The following ADAP1 variants were observed in gnomAD, a reference collection of about 807,000 sequenced individuals.
ADAP1 encodes ArfGAP with dual PH domains 1.
ADAP1 carries 31 observed loss-of-function variants against 54.9 expected under a neutral mutation model. The observed-to-expected ratio is 0.56, with a 90% CI of 0.42 to 0.76. The LOEUF (loss-of-function observed/expected upper bound fraction) is 0.76. ADAP1 is among the 30% of genes least tolerant of loss of function. ADAP1 has a pLI of 0.00. For synonymous variants in ADAP1, 313 were observed against 202.6 expected (o/e 1.55, Z -4.63); for missense variants, 535 against 512.4 (o/e 1.04, Z -0.42).
intron 1 of ADAP1, among the ~76,000 whole-genome samples, chr7:942,222 T>G (rs1258289182): frequency 6.6e-6 from 1 of 152,106 alleles, no homozygotes; most frequent in East Asian, 1.9e-4. Flanking sequence ...TCCGTAACTT[T>G]GGGTTAGGCA....
At chr7:900,352 G>T (rs1844727717) in intron 7 of ADAP1, among the ~76,000 whole-genome samples, 181 bp downstream of exon 7, 1 of 152,024 alleles carries the variant, frequency 6.6e-6, no homozygotes, top group Non-Finnish European at 1.5e-5. Context: ...TTCCCCTTTG[G>T]CTGAGCTGAA....
Position 938,154 on chromosome 7 carries a change from C to T in ADAP1, c.83-2649G>A, listed in dbSNP as rs74301164. On this transcript the variant is annotated intron_variant, in intron 1 of 10. Coordinates refer to ENST00000265846, the MANE Select transcript of ADAP1 (RefSeq NM_006869.4). This position sits in a 1 kb window ranked among gnomAD's most constrained non-coding sequence, Gnocchi z 4.4. ...CAGGATCAGCCGTTGTTTGGTTTTG[C>T]GGGGTTTTTTTTGTCTTGTATTGTA... Among the ~76,000 whole-genome samples the T allele has an allele frequency of 3.1e-4, 47 of 152,066 alleles. No individual in the cohort carries two copies. The East Asian group carries it at 6.4e-3, about 21-fold the overall frequency.
At position 921,014 on chromosome 7, in the gene ADAP1, C is replaced by A. The variant is rs555133178; in HGVS notation, c.306-964G>T. On this transcript the variant is annotated intron_variant, in intron 3 of 10. Coordinates refer to ENST00000265846, the MANE Select transcript of ADAP1 (RefSeq NM_006869.4). ...GATGGGTCCCAGCTGGGTCTCTGGC[C>A]CCTGGCCCCAGGTGTGTGTGTGTCC... 102 of 692,702 alleles carry A rather than the reference C, an allele frequency of 1.5e-4. No individual in the cohort carries two copies. In the South Asian group the frequency reaches 1.9e-3, roughly 13 times the overall value. 42.9% of individuals were successfully genotyped at this position (692,702 alleles called of 1,614,324 possible). A position where few individuals can be genotyped will look rare whatever the true frequency, so the allele number is the denominator to read the frequency against.
chr7:934,968 G>A (rs1383102356), intron 2 of ADAP1, among the ~76,000 whole-genome samples: 2 of 152,314 alleles, frequency 1.3e-5, no homozygotes, highest in East Asian at 1.9e-4. Flanking sequence ...GTGTAAATGC[G>A]ACCCTGACTC....
intron 1 of ADAP1, among the ~76,000 whole-genome samples, chr7:942,604 G>C (rs865895794): frequency 9.8e-5 from 6 of 60,984 alleles, no homozygotes; most frequent in Non-Finnish European, 1.1e-4. Flanking sequence ...AAGGGAGAGA[G>C]GAGGAGGAAG....
chr7:905,990 A>G (rs866619242), intron 4 of ADAP1, among the ~76,000 whole-genome samples: 7 of 29,860 alleles, frequency 2.3e-4, no homozygotes, highest in African/African-American at 7.5e-4. Flanking sequence ...AAGGGAAAGG[A>G]GAAAGGAGAA....
chr7:912,413 C>A (rs1017191489), intron 4 of ADAP1, among the ~76,000 whole-genome samples: 1 of 152,152 alleles, frequency 6.6e-6, no homozygotes, highest in Admixed American at 6.5e-5. Context: ...GGCTCAGACA[C>A]AAGGATAAAC....
intron 6 of ADAP1, among the ~76,000 whole-genome samples, chr7:902,696 A>C (rs144839245): frequency 1.3e-5 from 2 of 151,846 alleles, no homozygotes; most frequent in African/African-American, 4.8e-5. Flanking sequence ...TAGATAAGAA[A>C]GCAATCCCTG....
chr7:914,166 C>T (rs560105166), intron 4 of ADAP1, among the ~76,000 whole-genome samples: 3 of 152,180 alleles, frequency 2.0e-5, no homozygotes, highest in Non-Finnish European at 4.4e-5. Flanking sequence ...TTCTTGGTTC[C>T]GGCTCATTCC....
At chr7:943,581 GGAT>G (rs1401688882) in intron 1 of ADAP1, among the ~76,000 whole-genome samples, 1 of 23,684 alleles carries the variant, frequency 4.2e-5, no homozygotes, top group East Asian at 1.0e-3. Context: ...AAGGGAGAGA[GGAT>G]GAGGAAGGGA....
rs1157547350 is a variant in ADAP1 at position 905,428 on chromosome 7, G to A, written c.389-256C>T. On this transcript the variant is annotated intron_variant, in intron 4 of 10. Transcript: ENST00000265846. ...AGGAGAAAGGGAGAAAGAGAAAGGA[G>A]AAAGGAGAAAGGGAGAAAGGGAGAA... 120 of 133,628 alleles carry A rather than the reference G, an allele frequency of 9.0e-4. 31 individuals are homozygous for A. Among genetic ancestry groups the A allele is most frequent in the Admixed American group, 1.7e-3 (17 of 10,064 alleles). The allele number at this position is 133,628 out of a possible 1,614,324, so 8.3% of individuals were successfully genotyped here.
chr7:954,689 G>A (rs1583195378), upstream of ADAP1: 5 of 981,434 alleles, frequency 5.1e-6, no homozygotes, highest in African/African-American at 7.0e-5. Flanking sequence ...GTGCCGGCGC[G>A]GGGCCCGGGG....
In ADAP1 at chr7:926,654, A is replaced by G; in HGVS notation, c.214-10T>C. On this transcript the variant is annotated splice_polypyrimidine_tract_variant and intron_variant, in intron 2 of 10. Coordinates refer to ENST00000265846, the MANE Select transcript of ADAP1 (RefSeq NM_006869.4). This position sits in a 1 kb window ranked among gnomAD's most constrained non-coding sequence, Gnocchi z 4.6. ...CGTGGGAGGCCATGAACTGCAAGAG[A>G]GGAGGGGCCGGGTCAGAGGCCTGGG... 1 of 1,538,294 alleles carries G rather than the reference A, an allele frequency of 6.5e-7. No individual in the cohort carries two copies. Among genetic ancestry groups the G allele is most frequent in the East Asian group, 2.5e-5 (1 of 39,512 alleles).
intron 2 of ADAP1, chr7:927,024 G>A: frequency 7.9e-7 from 1 of 1,259,924 alleles, no homozygotes; most frequent in Non-Finnish European, 1.0e-6. Context: ...AGAGAGCGAG[G>A]GCTTCCTCGT....
rs150314576 is a variant in ADAP1, at chr7:944,573, T to C, written c.83-9068A>G. Among the ~76,000 whole-genome samples, 182 of 152,240 alleles carry C rather than the reference T, an allele frequency of 1.2e-3. 1 individual carries two copies. The Middle Eastern group carries it at 0.044, about 37-fold the overall frequency. On this transcript the variant is annotated intron_variant, in intron 1 of 10. Transcript: ENST00000265846. ...CCGGCCTATTTTTAACAATTTTTAA[T>C]CTTTAATTTTTGTGGGTACATAAGA...
intron 6 of ADAP1, among the ~76,000 whole-genome samples, chr7:903,111 C>T (rs1031254238): frequency 8.5e-5 from 13 of 152,228 alleles, no homozygotes; most frequent in South Asian, 6.2e-4. Context: ...TCCTGGTGCC[C>T]GACTGCCTCC....
rs1237245868 is a variant in ADAP1, at chr7:899,184, G to A, written c.945C>T (p.Ser315=). 6 of 1,612,256 alleles carry A rather than the reference G, an allele frequency of 3.7e-6. No homozygotes were observed. The highest frequency in any genetic ancestry group is 1.3e-5 in the African/African-American group (1 of 74,948). ...CATGTGGCCAGTGGTGGCCCTGGGT[G>A]GACGGCGGGAACCCATGCAGCACCG... The part of the protein sequence containing the change: ...GYTVLHGFPP[S]TQGHHWPHGI... Residue 315 remains serine, a synonymous_variant, in exon 10 of 11, where the codon TCC becomes TCT. Coordinates refer to ENST00000265846, the MANE Select transcript of ADAP1 (RefSeq NM_006869.4).
At chr7:919,926 G>A in intron 4 of ADAP1, 42 bp downstream of exon 4, 2 of 1,531,802 alleles carry the variant, frequency 1.3e-6, no homozygotes, top group Non-Finnish European at 1.8e-6. Context: ...GAGAGCCAGG[G>A]AGAGGTAGCC....
Position 898,670 on chromosome 7 carries a change from G to A in ADAP1, c.*251C>T, listed in dbSNP as rs942349432. The A allele has an allele frequency of 3.5e-6, 2 of 568,396 alleles. No individual in the cohort carries two copies. The highest frequency in any genetic ancestry group is 6.3e-6 in the Non-Finnish European group (2 of 317,894). 35.2% of individuals were successfully genotyped at this position (568,396 alleles called of 1,614,324 possible). On this transcript the variant is annotated 3_prime_UTR_variant, in exon 11 of 11. Transcript: ENST00000265846. ...GAAAGGGGGCCCCGGGTCAGGGAGG[G>A]GCAGGTTGGCTGGGTGTGGTCAGCA... is the stretch of plus-strand genomic sequence containing the variant.
Sources: gnomAD v4.1 joint callset for allele counts (sites outside exome capture counted in the v4.1 genomes callset) on GRCh38, gnomAD v4.1.1 for gene constraint, Gnocchi (gnomAD v3.1) non-coding constraint, MANE v1.5 for transcripts, NCBI Gene and HGNC (gene_info 2026-07-23, HGNC 2026-07-21) for gene names.